Variants in COL4A1 observed in about 807,000 individuals in gnomAD.
The protein encoded by COL4A1 is collagen alpha-1(IV) chain.
A neutral mutation model predicts 216.6 loss-of-function variants in COL4A1; 40 were observed. That is an observed-to-expected ratio of 0.18 (90% CI 0.14 to 0.24). The LOEUF (loss-of-function observed/expected upper bound fraction) is 0.24, where lower values mean the gene tolerates loss of function less well. COL4A1 is among the 10% of genes least tolerant of loss of function. The pLI is 1.00. For missense variants in COL4A1, 1,628 were observed against 2,196.8 expected, an observed-to-expected ratio of 0.74 and a Z score of 5.18; for synonymous variants, 839 against 810.7, an observed-to-expected ratio of 1.03 and a Z score of -0.59.
chr13:110,302,175 A>G (rs1271362921), intron 1 of COL4A1, among the ~76,000 whole-genome samples: 1 of 152,194 alleles, frequency 6.6e-6, no homozygotes, highest in East Asian at 1.9e-4. Context: ...CAGAGGATAA[A>G]GAAGAGGAAA....
At chr13:110,248,254 C>A (rs1881919489) in intron 1 of COL4A1, among the ~76,000 whole-genome samples, 1 of 152,184 alleles carries the variant, frequency 6.6e-6, no homozygotes, top group Non-Finnish European at 1.5e-5. Context: ...TATCTTAGGG[C>A]TACTTGGGCA....
chr13:110,269,502 T>C (rs780390399), intron 1 of COL4A1, among the ~76,000 whole-genome samples: 129 of 152,140 alleles, frequency 8.5e-4, no homozygotes, highest in Admixed American at 1.5e-3. Flanking sequence ...TATTTTACAT[T>C]TATCTTATGT....
At chr13:110,304,821 G>A (rs945942511) in intron 1 of COL4A1, among the ~76,000 whole-genome samples, 1 of 152,228 alleles carries the variant, frequency 6.6e-6, no homozygotes, top group African/African-American at 2.4e-5. Context: ...TACAAATGCA[G>A]GTGAAGTGTG....
chr13:110,246,939 G>C lies in COL4A1; in HGVS notation c.85-4205C>G, dbSNP rs566961583. Among the ~76,000 whole-genome samples the C allele has an allele frequency of 2.2e-3, 334 of 152,250 alleles. 2 individuals carry two copies. The highest frequency in any genetic ancestry group is 0.016 in the South Asian group (78 of 4,818). On this transcript the variant is annotated intron_variant, in intron 1 of 51. Coordinates refer to ENST00000375820, the MANE Select transcript of COL4A1 (RefSeq NM_001845.6). ...GAAGGCAGTCTCCACTTGGAAGACG[G>C]GGAATATGGCTGGGAGTTCTCAAAG...
chr13:110,221,774 A>G (rs1880489188), intron 2 of COL4A1, among the ~76,000 whole-genome samples: 1 of 152,222 alleles, frequency 6.6e-6, no homozygotes, highest in South Asian at 2.1e-4. Flanking sequence ...TCCGTTTCAA[A>G]TATTGTTAAA....
At chr13:110,300,190 C>A (rs1196421683) in intron 1 of COL4A1, among the ~76,000 whole-genome samples, 1 of 152,100 alleles carries the variant, frequency 6.6e-6, no homozygotes, top group African/African-American at 2.4e-5. Context: ...TTTATCTGTA[C>A]AACGCTGAAA....
At chr13:110,192,127 T>G in intron 24 of COL4A1, 87 bp downstream of exon 24, 2 of 1,371,944 alleles carry the variant, frequency 1.5e-6, no homozygotes, top group Non-Finnish European at 2.1e-6. Flanking sequence ...GCAGAAGCCA[T>G]GCTTGCAAAT....
intron 35 of COL4A1, 37 bp downstream of exon 35, chr13:110,176,589 C>A (rs779167364): frequency 3.1e-6 from 5 of 1,593,990 alleles, no homozygotes; most frequent in Non-Finnish European, 4.3e-6. Context: ...TCATCCTGAG[C>A]CCTTGCCACA....
chr13:110,194,938 A>G, intron 22 of COL4A1, 85 bp downstream of exon 22: 4 of 1,135,862 alleles, frequency 3.5e-6, no homozygotes, highest in Non-Finnish European at 5.3e-6. Flanking sequence ...GCCCACCCCC[A>G]CTTGGCTCCA....
intron 1 of COL4A1, among the ~76,000 whole-genome samples, chr13:110,295,752 A>T (rs1262034335): frequency 6.6e-6 from 1 of 152,022 alleles, no homozygotes; most frequent in African/African-American, 2.4e-5. Flanking sequence ...TCTGACCTCA[A>T]CCTATGCTGA....
At chr13:110,192,725 G>T in intron 23 of COL4A1, 105 bp downstream of exon 23, 1 of 903,794 alleles carries the variant, frequency 1.1e-6, no homozygotes, top group Non-Finnish European at 1.8e-6. Context: ...TTTAGGATTG[G>T]CTGCCGAAAA....
Position 110,176,997 on chromosome 13 carries a change from G to A in COL4A1, c.2757C>T (p.Asp919=). The A allele has an allele frequency of 6.2e-7, 1 of 1,614,080 alleles. No homozygotes were observed. The change falls in exon 34 of 52, where the codon GAC becomes GAT. Residue 919 remains aspartate (D), a synonymous_variant. Transcript: ENST00000375820. ...CCCCCTTATCACCTTTCAAGCCAGG[G>A]TCTCCCCTGGGTCCTGAGGAGCCCG... The part of the protein sequence containing the change: ...GFPGSSGPRG[D]PGLKGDKGDV...
intron 1 of COL4A1, among the ~76,000 whole-genome samples, chr13:110,250,378 C>T (rs1371356585): frequency 6.6e-6 from 1 of 152,152 alleles, no homozygotes; most frequent in African/African-American, 2.4e-5. Flanking sequence ...AACCACACGC[C>T]TTGAGGAAAT....
intron 2 of COL4A1, among the ~76,000 whole-genome samples, chr13:110,241,012 G>A (rs1468249849): frequency 6.6e-6 from 1 of 152,130 alleles, no homozygotes; most frequent in Admixed American, 6.6e-5. Context: ...TGGGACTAGA[G>A]GTGTGTGCCA....
Position 110,179,043 on chromosome 13 carries a change from A to T in COL4A1, c.2345-7T>A, listed in dbSNP as rs1322163199. The T allele has an allele frequency of 6.2e-7, 1 of 1,606,534 alleles. No homozygotes were observed. Among genetic ancestry groups the T allele is most frequent in the Non-Finnish European group, 8.5e-7 (1 of 1,176,458 alleles). ...CCAGGAGGTCCCGGTTCACCTGGAGAAGAAAAATTGAGAGTAAGCTGTACA... is the reference window on the plus strand; with the variant it reads ...CCAGGAGGTCCCGGTTCACCTGGAGTAGAAAAATTGAGAGTAAGCTGTACA... On this transcript the variant is annotated splice_polypyrimidine_tract_variant and splice_region_variant and intron_variant, in intron 30 of 51. Transcript: ENST00000375820.
intron 1 of COL4A1, among the ~76,000 whole-genome samples, chr13:110,260,382 C>T (rs756615598): frequency 1.6e-4 from 25 of 152,264 alleles, no homozygotes; most frequent in Middle Eastern, 3.4e-3. Flanking sequence ...ACCCTTAGCA[C>T]GTGGGGATTA....
At chr13:110,204,229 A>G (rs1342256822) in intron 17 of COL4A1, among the ~76,000 whole-genome samples, 1 of 152,204 alleles carries the variant, frequency 6.6e-6, no homozygotes, top group African/African-American at 2.4e-5. Context: ...AAACAGTCCA[A>G]AGATATGTAC....
Position 110,205,600 on chromosome 13 carries a change from T to C in COL4A1, c.859-62A>G, listed in dbSNP as rs111835704. Reference sequence around the variant, plus strand: ...ATAATAGACTGCGCGCGGTGGCTCATGCCTGTAATCCCAGCACTTTGGGAG... The same window carrying C: ...ATAATAGACTGCGCGCGGTGGCTCACGCCTGTAATCCCAGCACTTTGGGAG... On this transcript the variant is annotated intron_variant, in intron 15 of 51. Coordinates refer to ENST00000375820, the MANE Select transcript of COL4A1 (RefSeq NM_001845.6). 1.1e-5 allele frequency: 18 copies of C among 1,576,742 alleles called. No homozygotes were observed. The East Asian group carries it at 1.6e-4, about 14-fold the overall frequency.
rs138726471 is a variant in COL4A1 at position 110,203,730 on chromosome 13, T to C, written c.958-123A>G. 9.4e-3 allele frequency: 9,700 copies of C among 1,033,594 alleles called. 130 individuals carry two copies. Among genetic ancestry groups the C allele is most frequent in the South Asian group, 0.039 (2,955 of 75,556 alleles). 64.0% of individuals were successfully genotyped at this position (1,033,594 alleles called of 1,614,324 possible). A position where few individuals can be genotyped will look rare whatever the true frequency, so the allele number is the denominator to read the frequency against. Reference sequence around the variant, plus strand: ...CTACAGTAAATTAAAACTATTTTTCTCTCTTTAATATCTCTCATTCTGTGA... The same window carrying C: ...CTACAGTAAATTAAAACTATTTTTCCCTCTTTAATATCTCTCATTCTGTGA... On this transcript the variant is annotated intron_variant, in intron 17 of 51. Coordinates refer to ENST00000375820, the MANE Select transcript of COL4A1 (RefSeq NM_001845.6).
Sources: gnomAD v4.1 joint callset for allele counts (sites outside exome capture counted in the v4.1 genomes callset) on GRCh38, gnomAD v4.1.1 for gene constraint, MANE v1.5 for transcripts, NCBI Gene and HGNC (gene_info 2026-07-23, HGNC 2026-07-21) for gene names.